TRPM3: variants seen among roughly 807,000 people sequenced by gnomAD.
TRPM3 encodes the protein transient receptor potential cation channel subfamily M member 3.
TRPM3 carries 77 observed loss-of-function variants against 181.2 expected under a neutral mutation model. That is an observed-to-expected ratio of 0.42 (90% CI 0.35 to 0.51). The LOEUF (loss-of-function observed/expected upper bound fraction) is 0.51, where lower values mean the gene tolerates loss of function less well. Among genes scored for constraint, TRPM3 ranks in the 20% least tolerant of loss-of-function variants. The pLI is 0.01. For missense variants in TRPM3, 1,759 were observed against 2,196.7 expected (o/e 0.80, Z 3.98); for synonymous variants, 745 against 796.4 (o/e 0.94, Z 1.09).
At chr9:71,428,079 G>T (rs1164168496) in intron 1 of TRPM3, among the ~76,000 whole-genome samples, 2 of 151,728 alleles carry the variant, frequency 1.3e-5, no homozygotes, top group Non-Finnish European at 2.9e-5. Context: ...CTGTTTTTTT[G>T]TTGTTGTTGT....
At chr9:70,786,074 C>A (rs1271094078) in intron 6 of TRPM3, among the ~76,000 whole-genome samples, 34 of 152,016 alleles carry the variant, frequency 2.2e-4, no homozygotes, top group Non-Finnish European at 2.9e-5. Context: ...AATGCTAGGT[C>A]TCCTTAAGGC....
chr9:70,648,338 T>C (rs1469066784), intron 9 of TRPM3, among the ~76,000 whole-genome samples: 1 of 152,062 alleles, frequency 6.6e-6, no homozygotes, highest in Non-Finnish European at 1.5e-5. Context: ...TTGACAGGCA[T>C]GGTGGCATGT....
At chr9:71,083,334 T>C (rs1261272596) in intron 1 of TRPM3, among the ~76,000 whole-genome samples, 1 of 152,024 alleles carries the variant, frequency 6.6e-6, no homozygotes, top group Non-Finnish European at 1.5e-5. Context: ...AAATTTAATA[T>C]CGGAAACAAA....
intron 1 of TRPM3, among the ~76,000 whole-genome samples, chr9:71,405,596 T>G (rs1030690833): frequency 2.0e-5 from 3 of 152,226 alleles, no homozygotes; most frequent in Non-Finnish European, 4.4e-5. Context: ...AAACCACTCT[T>G]GAAGCTCAGA....
At chr9:71,116,825 A>G (rs561323542) in intron 1 of TRPM3, among the ~76,000 whole-genome samples, 1 of 152,192 alleles carries the variant, frequency 6.6e-6, no homozygotes, top group Non-Finnish European at 1.5e-5. Context: ...AAATACAGTG[A>G]CATTACTGAC....
chr9:71,382,972 A>C (rs926302472), intron 1 of TRPM3, among the ~76,000 whole-genome samples: 1 of 152,112 alleles, frequency 6.6e-6, no homozygotes, highest in Admixed American at 6.6e-5. Flanking sequence ...TCTTTAGCTT[A>C]CTCTGTATAA....
At chr9:70,684,449 G>C (rs890574796) in intron 8 of TRPM3, among the ~76,000 whole-genome samples, 1 of 152,190 alleles carries the variant, frequency 6.6e-6, no homozygotes, top group Non-Finnish European at 1.5e-5. Context: ...ACCAAGGGGA[G>C]GCTGGAGGCT....
chr9:71,276,447 T>C (rs1259238268), intron 1 of TRPM3, among the ~76,000 whole-genome samples: 19 of 152,088 alleles, frequency 1.2e-4, no homozygotes, highest in Admixed American at 1.2e-3. Flanking sequence ...AATATTACTA[T>C]GTAGCATATA....
rs372178518 is a variant in TRPM3 at position 70,620,813 on chromosome 9, G to A, written c.1839+431C>T. 5.6e-4 allele frequency among the ~76,000 whole-genome samples: 85 copies of A among 151,956 alleles called. 1 individual carries two copies. The East Asian group carries it at 0.015, about 26-fold the overall frequency. Reference sequence around the variant, plus strand: ...TCAAGTTTCTGAATACCTATTAGATGCATTTCTGAAGTAGTTCTGGCCTTT... The same window carrying A: ...TCAAGTTTCTGAATACCTATTAGATACATTTCTGAAGTAGTTCTGGCCTTT... On this transcript the variant is annotated intron_variant, in intron 15 of 25. Coordinates refer to ENST00000677713, the MANE Select transcript of TRPM3 (RefSeq NM_001366145.2).
At chr9:70,544,393 C>A (rs897813060) in intron 25 of TRPM3, among the ~76,000 whole-genome samples, 2 of 151,936 alleles carry the variant, frequency 1.3e-5, no homozygotes, top group African/African-American at 4.8e-5. Flanking sequence ...TAATCAAGAC[C>A]AATATATTGA....
At chr9:71,210,905 C>G (rs1025474378) in intron 1 of TRPM3, among the ~76,000 whole-genome samples, 3 of 152,124 alleles carry the variant, frequency 2.0e-5, no homozygotes, top group African/African-American at 4.8e-5. Flanking sequence ...AGACAGAGAA[C>G]GTAAGAAGGC....
chr9:71,355,556 T>C (rs2091859964), intron 1 of TRPM3, among the ~76,000 whole-genome samples: 1 of 152,206 alleles, frequency 6.6e-6, no homozygotes, highest in South Asian at 2.1e-4. Context: ...TAAGTTTCTG[T>C]CATTTTCAGC....
intron 1 of TRPM3, among the ~76,000 whole-genome samples, chr9:71,055,983 C>T (rs549565006): frequency 9.9e-5 from 15 of 151,934 alleles, no homozygotes; most frequent in African/African-American, 2.2e-4. Context: ...TATATCAGGC[C>T]GTGTATAAAG....
chr9:71,188,435 C>A (rs1587851491), intron 1 of TRPM3, among the ~76,000 whole-genome samples: 1 of 152,040 alleles, frequency 6.6e-6, no homozygotes, highest in East Asian at 1.9e-4. Flanking sequence ...ACTAGAATCA[C>A]TGTGTACAAG....
chr9:70,771,514 C>G (rs948905951), intron 7 of TRPM3, among the ~76,000 whole-genome samples: 1 of 152,074 alleles, frequency 6.6e-6, no homozygotes, highest in Non-Finnish European at 1.5e-5. Flanking sequence ...ACCTTAGACT[C>G]CTGAGCCAGC....
chr9:71,023,680 T>C (rs1231069527), intron 1 of TRPM3, among the ~76,000 whole-genome samples: 13 of 150,378 alleles, frequency 8.6e-5, no homozygotes, highest in Non-Finnish European at 1.6e-4. Flanking sequence ...CTTGGAAATG[T>C]CTCCAGGGGA....
chr9:71,357,898 T>A (rs946132014), intron 1 of TRPM3, among the ~76,000 whole-genome samples: 2 of 152,148 alleles, frequency 1.3e-5, no homozygotes, highest in African/African-American at 4.8e-5. Flanking sequence ...ATATGAAACA[T>A]GATATTCTAT....
At chr9:70,923,824 C>A (rs200664657) in intron 1 of TRPM3, among the ~76,000 whole-genome samples, 3,394 of 142,338 alleles carry the variant, frequency 0.024, 68 homozygotes, top group African/African-American at 0.053. Context: ...CTCTCTCTCT[C>A]TCTCTATATA....
intron 1 of TRPM3, among the ~76,000 whole-genome samples, chr9:71,415,467 A>C (rs2093622609): frequency 6.6e-6 from 1 of 152,102 alleles, no homozygotes; most frequent in African/African-American, 2.4e-5. Context: ...AGATCTGATA[A>C]AAATAACCTA....
Sources: gnomAD v4.1 joint callset for allele counts (sites outside exome capture counted in the v4.1 genomes callset) on GRCh38, gnomAD v4.1.1 for gene constraint, MANE v1.5 for transcripts, NCBI Gene and HGNC (gene_info 2026-07-23, HGNC 2026-07-21) for gene names.